Variants in PPP2R2B observed in about 807,000 individuals in gnomAD.
PPP2R2B encodes the protein serine/threonine-protein phosphatase 2A 55 kDa regulatory subunit B beta isoform.
A neutral mutation model predicts 46.0 loss-of-function variants in PPP2R2B; 5 were observed. The observed-to-expected ratio is 0.11, with a 90% CI of 0.06 to 0.23. PPP2R2B has a LOEUF of 0.23. Among genes scored for constraint, PPP2R2B ranks in the 10% least tolerant of loss-of-function variants. The pLI, the probability that PPP2R2B is intolerant of heterozygous loss-of-function variation, is 1.00. For missense variants in PPP2R2B, 367 were observed against 575.0 expected (o/e 0.64, Z 3.70); for synonymous variants, 215 against 206.7 (o/e 1.04, Z -0.34).
chr5:146,923,072 C>A (rs1390399492), intron 1 of PPP2R2B, among the ~76,000 whole-genome samples: 1 of 152,176 alleles, frequency 6.6e-6, no homozygotes, highest in Non-Finnish European at 1.5e-5. Flanking sequence ...TCAAGCCTTG[C>A]TCCAAAGCTT....
chr5:146,601,439 G>T (rs1004929779), intron 7 of PPP2R2B, among the ~76,000 whole-genome samples: 14 of 152,094 alleles, frequency 9.2e-5, no homozygotes, highest in Admixed American at 7.2e-4. Flanking sequence ...GCTATAAAAA[G>T]TTAGCCAGGC....
chr5:146,683,864 T>C (rs1778326850), intron 5 of PPP2R2B, among the ~76,000 whole-genome samples: 1 of 152,206 alleles, frequency 6.6e-6, no homozygotes, highest in Non-Finnish European at 1.5e-5. Flanking sequence ...TTATTTATTT[T>C]CATAAACACA....
intron 8 of PPP2R2B, among the ~76,000 whole-genome samples, chr5:146,598,363 C>T (rs921669283): frequency 3.9e-5 from 6 of 152,226 alleles, no homozygotes; most frequent in African/African-American, 1.4e-4. Flanking sequence ...CTTGCCAAAT[C>T]CTCTTCCTAT....
chr5:147,035,101 C>T, intron 1 of PPP2R2B: 1 of 455,816 alleles, frequency 2.2e-6, no homozygotes, highest in Middle Eastern at 3.3e-4. Context: ...AGTTCGTTCT[C>T]ACACAGCTAT....
At chr5:146,958,312 A>C (rs1752013559) in intron 1 of PPP2R2B, among the ~76,000 whole-genome samples, 1 of 152,114 alleles carries the variant, frequency 6.6e-6, no homozygotes, top group Non-Finnish European at 1.5e-5. Flanking sequence ...TTTCACACCA[A>C]AGCCTTCAAT....
chr5:146,842,601 G>T (rs1382301187), intron 2 of PPP2R2B, among the ~76,000 whole-genome samples: 1 of 151,146 alleles, frequency 6.6e-6, no homozygotes, highest in African/African-American at 2.4e-5. Context: ...CAGGTATTAA[G>T]CTTGGTATCC....
At chr5:146,633,806 C>T (rs1002193639) in intron 7 of PPP2R2B, among the ~76,000 whole-genome samples, 6 of 152,200 alleles carry the variant, frequency 3.9e-5, no homozygotes, top group African/African-American at 1.4e-4. Flanking sequence ...CGGCTTCCTG[C>T]TTCTGTATGA....
At chr5:147,070,796 ATCC>A (rs1757567619) in intron 2 of PPP2R2B, among the ~76,000 whole-genome samples, 1 of 152,138 alleles carries the variant, frequency 6.6e-6, no homozygotes, top group African/African-American at 2.4e-5. Flanking sequence ...TTGTTGTGGC[ATCC>A]TCCACTCAGG....
chr5:146,589,243 G>A lies in PPP2R2B; in HGVS notation c.*704C>T, dbSNP rs1770350460. The A allele has an allele frequency of 6.6e-6, 1 of 152,272 alleles. No homozygotes were observed. Among genetic ancestry groups the A allele is most frequent in the South Asian group, 2.1e-4 (1 of 4,834 alleles). 9.4% of individuals were successfully genotyped at this position (152,272 alleles called of 1,614,324 possible). A position where few individuals can be genotyped will look rare whatever the true frequency, so the allele number is the denominator to read the frequency against. On this transcript the variant is annotated 3_prime_UTR_variant, in exon 10 of 10. Transcript: ENST00000394411. ...CCAAGCTCACTCTGGGAAGCACTGT[G>A]TCGAAAGTGCTCTCTTTCTGTCCCC...
At chr5:146,950,362 G>T (rs904241429) in intron 1 of PPP2R2B, among the ~76,000 whole-genome samples, 1 of 151,978 alleles carries the variant, frequency 6.6e-6, no homozygotes, top group African/African-American at 2.4e-5. Flanking sequence ...AAAATGAATA[G>T]CTTTGCTGAT....
intron 2 of PPP2R2B, among the ~76,000 whole-genome samples, chr5:146,712,986 A>G (rs1442931525): frequency 1.3e-5 from 2 of 152,226 alleles, no homozygotes; most frequent in African/African-American, 4.8e-5. Context: ...ATCTGTCCTC[A>G]TGCATCTTAC....
At chr5:146,977,859 A>G (rs570104306) in intron 1 of PPP2R2B, among the ~76,000 whole-genome samples, 1 of 152,226 alleles carries the variant, frequency 6.6e-6, no homozygotes, top group Non-Finnish European at 1.5e-5. Context: ...TCTTTATAGT[A>G]GAATGATTTA....
At chr5:146,625,657 T>C (rs554439838) in intron 7 of PPP2R2B, among the ~76,000 whole-genome samples, 130 of 152,218 alleles carry the variant, frequency 8.5e-4, no homozygotes, top group African/African-American at 2.9e-3. Flanking sequence ...GAATGTGCCT[T>C]AACTGAAACC....
chr5:146,844,581 C>A (rs1006144103), intron 2 of PPP2R2B, among the ~76,000 whole-genome samples: 2 of 152,116 alleles, frequency 1.3e-5, no homozygotes, highest in African/African-American at 4.8e-5. Flanking sequence ...GGCAGAAGAC[C>A]TGCATGCCCG....
chr5:146,957,210 G>A (rs1005832973), intron 1 of PPP2R2B, among the ~76,000 whole-genome samples: 1 of 152,136 alleles, frequency 6.6e-6, no homozygotes, highest in African/African-American at 2.4e-5. Context: ...ACACTACCCA[G>A]GTGAGTCTTA....
At chr5:146,934,760 T>A (rs1182800075) in intron 1 of PPP2R2B, among the ~76,000 whole-genome samples, 1 of 151,614 alleles carries the variant, frequency 6.6e-6, no homozygotes, top group African/African-American at 2.4e-5. Context: ...GAGACCAAAC[T>A]CTTTTTTTTT....
chr5:146,927,528 G>GC (rs1394554357), intron 1 of PPP2R2B, among the ~76,000 whole-genome samples: 4 of 152,140 alleles, frequency 2.6e-5, no homozygotes, highest in African/African-American at 9.7e-5. Flanking sequence ...CTATCCTTAG[G>GC]CTTGTGGCCT....
rs371739360 is a variant in PPP2R2B, at chr5:146,749,723, C to T, written c.71-48581G>A. 2.3e-3 allele frequency among the ~76,000 whole-genome samples: 341 copies of T among 151,436 alleles called. 2 individuals carry two copies. Among genetic ancestry groups the T allele is most frequent in the African/African-American group, 7.9e-3 (327 of 41,292 alleles). On this transcript the variant is annotated intron_variant, in intron 2 of 9. Coordinates refer to ENST00000394411, the MANE Select transcript of PPP2R2B (RefSeq NM_181675.4). ...ACGCCATTGTCCTGCCTCAGCCTCC[C>T]GAGTAGCTGGGACTACAGGCGCCTG... is the stretch of plus-strand genomic sequence containing the variant.
intron 2 of PPP2R2B, among the ~76,000 whole-genome samples, chr5:146,727,390 C>T (rs926119844): frequency 6.6e-6 from 1 of 151,724 alleles, no homozygotes; most frequent in Non-Finnish European, 1.5e-5. Flanking sequence ...TTTCAATATA[C>T]ATTTACATTG....
Sources: gnomAD v4.1 joint callset for allele counts (sites outside exome capture counted in the v4.1 genomes callset) on GRCh38, gnomAD v4.1.1 for gene constraint, MANE v1.5 for transcripts, NCBI Gene and HGNC (gene_info 2026-07-23, HGNC 2026-07-21) for gene names.